Variants in SBSPON observed in about 807,000 individuals in gnomAD.
SBSPON encodes the protein somatomedin-B and thrombospondin type-1 domain-containing protein.
In SBSPON, 30 loss-of-function variants were observed where a neutral mutation model predicts 35.8. That is an observed-to-expected ratio of 0.84 (90% CI 0.63 to 1.14). SBSPON has a LOEUF of 1.14. Among genes scored for constraint, SBSPON ranks in the 50% most tolerant of loss-of-function variants. SBSPON has a pLI of 0.00. For synonymous variants in SBSPON, 136 were observed against 135.9 expected, an observed-to-expected ratio of 1.00 and a Z score of 0.00; for missense variants, 364 against 357.7, an observed-to-expected ratio of 1.02 and a Z score of -0.14.
intron 2 of SBSPON, 100 bp downstream of exon 2, chr8:73,080,919 G>T (rs1810684851): frequency 4.8e-6 from 5 of 1,044,054 alleles, no homozygotes; most frequent in Non-Finnish European, 5.4e-6. Context: ...TCCCTGTGGT[G>T]CATGGAACCT....
chr8:73,076,395 T>C (rs1810595190), intron 2 of SBSPON, among the ~76,000 whole-genome samples: 1 of 152,170 alleles, frequency 6.6e-6, no homozygotes, highest in Non-Finnish European at 1.5e-5. Context: ...AAGCATAGCC[T>C]GGGTTTTCCA....
intron 2 of SBSPON, among the ~76,000 whole-genome samples, chr8:73,073,607 A>G (rs1391353856): frequency 1.3e-5 from 2 of 152,172 alleles, no homozygotes; most frequent in African/African-American, 4.8e-5. Context: ...GGAGATCAAG[A>G]CCAGCCTGGC....
chr8:73,074,682 C>A, intron 2 of SBSPON: 1 of 477,092 alleles, frequency 2.1e-6, no homozygotes, highest in African/African-American at 2.1e-5. Context: ...TGTCACGAAT[C>A]ATTATGCTCT....
At chr8:73,071,676 C>A (rs1810493823) in intron 3 of SBSPON, 104 bp downstream of exon 3, 1 of 677,554 alleles carries the variant, frequency 1.5e-6, no homozygotes, top group African/African-American at 1.8e-5. Flanking sequence ...AGTCAAAGAG[C>A]AAGTAGAAAG....
Position 73,093,090 on chromosome 8 carries a change from G to A in SBSPON, c.-23C>T. 3 of 1,279,260 alleles carry A rather than the reference G, an allele frequency of 2.3e-6. No homozygotes were observed. The highest frequency in any genetic ancestry group is 3.0e-6 in the Non-Finnish European group (3 of 1,006,056). The allele number at this position is 1,279,260 out of a possible 1,614,324, so 79.2% of individuals were successfully genotyped here. A position where few individuals can be genotyped will look rare whatever the true frequency, so the allele number is the denominator to read the frequency against. ...CATGGCCAGGGCTCCGGCGGCGCCTGCGACGCGACAGACCCCCGGGGCAAG... is the reference window on the plus strand; with the variant it reads ...CATGGCCAGGGCTCCGGCGGCGCCTACGACGCGACAGACCCCCGGGGCAAG... On this transcript the variant is annotated 5_prime_UTR_variant, in exon 1 of 5. Transcript: ENST00000297354.
At chr8:73,086,398 G>T (rs556950550) in intron 1 of SBSPON, among the ~76,000 whole-genome samples, 5 of 152,098 alleles carry the variant, frequency 3.3e-5, no homozygotes, top group Non-Finnish European at 7.4e-5. Context: ...CTGACTTCAG[G>T]TGATCCTTCC....
chr8:73,084,755 C>CAG (rs1230971083), intron 1 of SBSPON, among the ~76,000 whole-genome samples: 4 of 55,182 alleles, frequency 7.2e-5, no homozygotes, highest in Non-Finnish European at 1.2e-4. Flanking sequence ...CACAGACACA[C>CAG]ACACACACAC....
At position 73,067,281 on chromosome 8, in the gene SBSPON, A is replaced by G; in HGVS notation, c.*60T>C. On this transcript the variant is annotated 3_prime_UTR_variant, in exon 5 of 5. Coordinates refer to ENST00000297354, the MANE Select transcript of SBSPON (RefSeq NM_153225.4). ...AAATTGAAGGTTTAGGAAACATTGA[A>G]CATGACTTGAGAATATTTAGAATGT... 9.5e-7 allele frequency: 1 copy of G among 1,050,342 alleles called. No individual in the cohort carries two copies. The highest frequency in any genetic ancestry group is 1.5e-6 in the Non-Finnish European group (1 of 675,868). 65.1% of individuals were successfully genotyped at this position (1,050,342 alleles called of 1,614,324 possible).
In SBSPON at chr8:73,064,773, TCA is replaced by T. The variant is rs1379405416; in HGVS notation, c.*2566_*2567del. The T allele has an allele frequency of 6.6e-6, 1 of 152,210 alleles. No individual in the cohort carries two copies. The highest frequency in any genetic ancestry group is 1.5e-5 in the Non-Finnish European group (1 of 68,044). 9.4% of individuals were successfully genotyped at this position (152,210 alleles called of 1,614,324 possible). A position where few individuals can be genotyped will look rare whatever the true frequency, so the allele number is the denominator to read the frequency against. Reference sequence around the variant, plus strand: ...ATTCTTTTTTTCCTTCACTTGTTTTTCACTTTTCTCTTCAAAAATGGCCATTA... The same window carrying T: ...ATTCTTTTTTTCCTTCACTTGTTTTTCTTTTCTCTTCAAAAATGGCCATTA... On this transcript the variant is annotated 3_prime_UTR_variant, in exon 5 of 5. Transcript: ENST00000297354.
chr8:73,067,388 C>G lies in SBSPON; in HGVS notation c.748G>C (p.Val250Leu). The change falls in exon 5 of 5, where the codon GTA becomes CTA. Residue 250 changes from valine to leucine, a missense_variant. Coordinates refer to ENST00000297354, the MANE Select transcript of SBSPON (RefSeq NM_153225.4). ...CQGTWKKVRR[V>L]DQCSCPAVHS... ...ACAGCTGGACAAGAACACTGGTCTACTCGCCGAACTTTTTTCCAAGTTCCT... is the reference window on the plus strand; with the variant it reads ...ACAGCTGGACAAGAACACTGGTCTAGTCGCCGAACTTTTTTCCAAGTTCCT... 1 of 1,611,838 alleles carries G rather than the reference C, an allele frequency of 6.2e-7. No individual in the cohort carries two copies. Among genetic ancestry groups the G allele is most frequent in the East Asian group, 2.2e-5 (1 of 44,786 alleles).
Position 73,092,988 on chromosome 8 carries a change from C to A in SBSPON, c.80G>T (p.Arg27Leu), listed in dbSNP as rs1810966087. ...GGCGGGGTCCCGGCCGGGACAGCAGCGCCCGGCCTCGGCGCAGCCGGCCTG... is the reference window on the plus strand; with the variant it reads ...GGCGGGGTCCCGGCCGGGACAGCAGAGCCCGGCCTCGGCGCAGCCGGCCTG... ...GAQAGCAEAG[R>L]CCPGRDPACF... is the part of the protein sequence containing the mutation. Residue 27 changes from arginine (R) to leucine (L), a missense_variant, in exon 1 of 5, where the codon CGC (arginine) becomes CTC (leucine). Physicochemically the swap from Arg to Leu is moderately radical, Grantham distance 102 (BLOSUM62 -2). Coordinates refer to ENST00000297354, the MANE Select transcript of SBSPON (RefSeq NM_153225.4). The A allele has an allele frequency of 6.5e-7, 1 of 1,539,806 alleles. No homozygotes were observed. Among genetic ancestry groups the A allele is most frequent in the South Asian group, 1.2e-5 (1 of 82,722 alleles).
At chr8:73,085,585 T>A (rs1467872182) in intron 1 of SBSPON, 1 of 152,198 alleles carries the variant, frequency 6.6e-6, no homozygotes, top group African/African-American at 2.4e-5. Flanking sequence ...GCACTTCTCA[T>A]CTCGGAGTTA....
chr8:73,081,527 C>G (rs1034432548), intron 1 of SBSPON, among the ~76,000 whole-genome samples: 2 of 152,140 alleles, frequency 1.3e-5, no homozygotes, highest in Non-Finnish European at 2.9e-5. Flanking sequence ...TCTCATACTC[C>G]CTGGGCTGAG....
At chr8:73,076,965 G>A (rs1301040887) in intron 2 of SBSPON, among the ~76,000 whole-genome samples, 1 of 152,132 alleles carries the variant, frequency 6.6e-6, no homozygotes, top group African/African-American at 2.4e-5. Flanking sequence ...GGAGTGCAAT[G>A]GCACAATCTT....
At chr8:73,087,014 A>G (rs931851639) in intron 1 of SBSPON, among the ~76,000 whole-genome samples, 3 of 152,152 alleles carry the variant, frequency 2.0e-5, no homozygotes, top group Non-Finnish European at 4.4e-5. Context: ...GACAAACATT[A>G]TTAAGTAGCA....
intron 1 of SBSPON, among the ~76,000 whole-genome samples, chr8:73,088,991 G>A (rs529107439): frequency 1.8e-4 from 27 of 152,276 alleles, no homozygotes; most frequent in Admixed American, 3.3e-4. Context: ...TCAGTACTCA[G>A]GACTTCCTGG....
At chr8:73,072,966 A>G (rs950909806) in intron 2 of SBSPON, among the ~76,000 whole-genome samples, 6 of 151,918 alleles carry the variant, frequency 3.9e-5, no homozygotes, top group East Asian at 1.9e-4. Context: ...CTTTAATTCT[A>G]TTGTGTTTGT....
chr8:73,087,204 G>A (rs556509967), intron 1 of SBSPON, among the ~76,000 whole-genome samples: 1 of 152,280 alleles, frequency 6.6e-6, no homozygotes, highest in East Asian at 1.9e-4. Flanking sequence ...ATCATGTTTT[G>A]ACGTATGGCC....
At chr8:73,078,043 C>T (rs1810625783) in intron 2 of SBSPON, among the ~76,000 whole-genome samples, 2 of 152,156 alleles carry the variant, frequency 1.3e-5, no homozygotes, top group African/African-American at 4.8e-5. Flanking sequence ...ATTAGGTGAC[C>T]CAGCTATGAC....
Sources: gnomAD v4.1 joint callset for allele counts (sites outside exome capture counted in the v4.1 genomes callset) on GRCh38, gnomAD v4.1.1 for gene constraint, MANE v1.5 for transcripts, NCBI Gene and HGNC (gene_info 2026-07-23, HGNC 2026-07-21) for gene names.